NRCAM: variants seen among roughly 807,000 people sequenced by gnomAD.
NRCAM encodes the protein NgCAM-related cell adhesion molecule.
NRCAM carries 83 observed loss-of-function variants against 156.5 expected under a neutral mutation model. That is an observed-to-expected ratio of 0.53 (90% CI 0.44 to 0.64). The LOEUF (loss-of-function observed/expected upper bound fraction) is 0.64. Ranked by LOEUF, NRCAM falls within the 30% of genes least tolerant of loss-of-function variation. NRCAM has a pLI of 0.00. For synonymous variants in NRCAM, 538 were observed against 563.9 expected (o/e 0.95, Z 0.65); for missense variants, 1,417 against 1,597.3 (o/e 0.89, Z 1.92).
chr7:108,409,043 C>T (rs930383704), intron 1 of NRCAM, among the ~76,000 whole-genome samples: 1 of 152,032 alleles, frequency 6.6e-6, no homozygotes, highest in African/African-American at 2.4e-5. Flanking sequence ...AGGGAAGGCA[C>T]AAAACACCTG....
intron 24 of NRCAM, among the ~76,000 whole-genome samples, chr7:108,181,188 C>T (rs1358567562): frequency 1.9e-5 from 1 of 53,730 alleles, no homozygotes; most frequent in Non-Finnish European, 4.0e-5. Context: ...TCTGGCAATG[C>T]TAGGGGGAAA....
At chr7:108,298,153 C>G (rs185529282) in intron 3 of NRCAM, among the ~76,000 whole-genome samples, 3 of 152,222 alleles carry the variant, frequency 2.0e-5, no homozygotes, top group Non-Finnish European at 1.5e-5. Context: ...ATAAAATCCA[C>G]GTTGCAAAGC....
intron 3 of NRCAM, among the ~76,000 whole-genome samples, chr7:108,275,087 C>T (rs1422774825): frequency 7.2e-5 from 11 of 152,284 alleles, no homozygotes; most frequent in Non-Finnish European, 1.5e-5. Context: ...AGGGATGAAG[C>T]CAACTTGCTC....
intron 6 of NRCAM, among the ~76,000 whole-genome samples, chr7:108,234,113 A>G (rs993157867): frequency 8.5e-5 from 13 of 152,192 alleles, no homozygotes; most frequent in Admixed American, 5.9e-4. Flanking sequence ...GAAGTCATCA[A>G]ATTCAATCTC....
intron 26 of NRCAM, 193 bp from the exon 27 acceptor site, chr7:108,176,799 A>G (rs900992524): frequency 2.0e-6 from 1 of 498,640 alleles, no homozygotes; most frequent in Non-Finnish European, 3.5e-6. Context: ...ATATCGTATC[A>G]TATCATATCA....
Position 108,290,619 on chromosome 7 carries a change from G to A in NRCAM, c.-107+22046C>T, listed in dbSNP as rs186702765. On this transcript the variant is annotated intron_variant, in intron 3 of 32. Transcript: ENST00000379028. ...TCTAAACATTTCCGACAGATTTCAT[G>A]TGGTAATGTTTTTCTGAATGCCATT... 6.4e-4 allele frequency among the ~76,000 whole-genome samples: 98 copies of A among 152,298 alleles called. 1 individual carries two copies. The highest frequency in any genetic ancestry group is 2.3e-3 in the African/African-American group (97 of 41,562).
chr7:108,373,175 C>T (rs1486096912), intron 2 of NRCAM, among the ~76,000 whole-genome samples: 1 of 151,930 alleles, frequency 6.6e-6, no homozygotes, highest in Non-Finnish European at 1.5e-5. Context: ...AGTACAATGG[C>T]GATTGCCAAG....
chr7:108,195,542 G>A (rs568547292), intron 15 of NRCAM, among the ~76,000 whole-genome samples: 1 of 152,200 alleles, frequency 6.6e-6, no homozygotes, highest in East Asian at 1.9e-4. Flanking sequence ...CTTGAACCCA[G>A]GAGGCAGAGG....
At chr7:108,163,816 TGA>T (rs1438141747) in intron 30 of NRCAM, among the ~76,000 whole-genome samples, 1 of 73,258 alleles carries the variant, frequency 1.4e-5, no homozygotes, top group Admixed American at 1.5e-4. Context: ...GTGGCGGTAA[TGA>T]GAGGTCATAC....
At chr7:108,453,382 A>G (rs1255015098) in intron 1 of NRCAM, among the ~76,000 whole-genome samples, 1 of 152,214 alleles carries the variant, frequency 6.6e-6, no homozygotes, top group Non-Finnish European at 1.5e-5. Flanking sequence ...CTTCTGAAGC[A>G]CTTACACCTA....
intron 1 of NRCAM, among the ~76,000 whole-genome samples, chr7:108,428,039 C>T (rs1819647587): frequency 6.6e-6 from 1 of 152,098 alleles, no homozygotes; most frequent in Non-Finnish European, 1.5e-5. Context: ...TCATTAATGA[C>T]AAATGGGCTT....
At chr7:108,317,523 T>C (rs922562092) in intron 2 of NRCAM, among the ~76,000 whole-genome samples, 1 of 152,194 alleles carries the variant, frequency 6.6e-6, no homozygotes, top group Non-Finnish European at 1.5e-5. Flanking sequence ...ATATGGCAGA[T>C]AGTGAGAAAC....
Position 108,266,053 on chromosome 7 carries a change from T to G in NRCAM, c.-106-25883A>C, listed in dbSNP as rs568241514. 2.0e-5 allele frequency among the ~76,000 whole-genome samples: 3 copies of G among 152,332 alleles called. No individual in the cohort carries two copies. In the East Asian group the frequency reaches 5.8e-4, roughly 29 times the overall value. On this transcript the variant is annotated intron_variant, in intron 3 of 32. Coordinates refer to ENST00000379028, the MANE Select transcript of NRCAM (RefSeq NM_001037132.4). ...CTGATTTTTATTGTTTTTCATAAAT[T>G]TTTTCTTTTTTTCATAGTATTAATG...
At chr7:108,201,693 A>C (rs1002732730) in intron 13 of NRCAM, among the ~76,000 whole-genome samples, 1 of 152,200 alleles carries the variant, frequency 6.6e-6, no homozygotes, top group African/African-American at 2.4e-5. Context: ...AAACCATGTC[A>C]GAAAGCTTTT....
At chr7:108,205,435 C>A (rs560243416) in intron 13 of NRCAM, among the ~76,000 whole-genome samples, 3 of 152,146 alleles carry the variant, frequency 2.0e-5, no homozygotes, top group Non-Finnish European at 2.9e-5. Context: ...GAAGAAAAAT[C>A]AGCTTCATTA....
intron 2 of NRCAM, among the ~76,000 whole-genome samples, chr7:108,392,785 ACAGT>A (rs2099764621): frequency 1.3e-5 from 2 of 152,108 alleles, no homozygotes; most frequent in Admixed American, 6.6e-5. Context: ...TTTCCTTCTA[ACAGT>A]CAGGACCCTC....
intron 2 of NRCAM, among the ~76,000 whole-genome samples, chr7:108,353,670 A>G (rs1201793978): frequency 6.6e-6 from 1 of 152,216 alleles, no homozygotes; most frequent in Non-Finnish European, 1.5e-5. Flanking sequence ...TACTAGAATA[A>G]AGTCTTCATG....
chr7:108,151,162 C>A (rs555974854), intron 32 of NRCAM, among the ~76,000 whole-genome samples: 1 of 152,056 alleles, frequency 6.6e-6, no homozygotes, highest in Admixed American at 6.6e-5. Flanking sequence ...TTCACCCATA[C>A]GGTCAAATAC....
intron 2 of NRCAM, among the ~76,000 whole-genome samples, chr7:108,367,390 G>A (rs1177756984): frequency 1.3e-5 from 2 of 151,956 alleles, no homozygotes; most frequent in Admixed American, 6.6e-5. Flanking sequence ...ATAATAATGT[G>A]GAATCTTGTA....
Sources: allele counts gnomAD v4.1 joint callset (sites outside exome capture counted in the v4.1 genomes callset), GRCh38; gene constraint gnomAD v4.1.1; transcripts MANE v1.5; gene names NCBI Gene and HGNC (gene_info 2026-07-23, HGNC 2026-07-21).